The following SV2C variants were observed in gnomAD, a reference collection of about 807,000 sequenced individuals.
SV2C encodes solute carrier family 22 member B3.
Under a neutral mutation model 79.7 loss-of-function variants are expected in SV2C, and 49 were observed. That is an observed-to-expected ratio of 0.61 (90% CI 0.49 to 0.78). The LOEUF is 0.78. SV2C is among the 30% of genes least tolerant of loss of function. The pLI is 0.00. For missense variants in SV2C, 833 were observed against 912.9 expected (o/e 0.91, Z 1.13); for synonymous variants, 334 against 333.2 (o/e 1.00, Z -0.03).
intron 12 of SV2C, among the ~76,000 whole-genome samples, chr5:76,317,025 GATT>G (rs1161613261): frequency 2.7e-5 from 4 of 150,680 alleles, no homozygotes; most frequent in African/African-American, 9.8e-5. Flanking sequence ...TTTAATGAAT[GATT>G]ATATGAATAT....
intron 1 of SV2C, among the ~76,000 whole-genome samples, chr5:76,088,343 C>T (rs991676750): frequency 6.6e-6 from 1 of 152,010 alleles, no homozygotes; most frequent in Non-Finnish European, 1.5e-5. Context: ...TGTCCTAGTC[C>T]CTTCCAGCTG....
At chr5:76,283,824 T>C (rs1172912510) in intron 4 of SV2C, among the ~76,000 whole-genome samples, 1 of 152,210 alleles carries the variant, frequency 6.6e-6, no homozygotes, top group African/African-American at 2.4e-5. Context: ...TGAGGCTGTG[T>C]GTGGCTGTAA....
At chr5:75,849,048 C>A in the SV2C span, among the ~76,000 whole-genome samples, 11 of 152,348 alleles carry the variant, frequency 7.2e-5, 1 homozygote, top group Admixed American at 3.3e-4. Flanking sequence ...TCCCCACCCC[C>A]ACCAGCCCCT....
chr5:76,302,496 G>A (rs1234121744), intron 12 of SV2C, among the ~76,000 whole-genome samples: 4 of 151,642 alleles, frequency 2.6e-5, no homozygotes, highest in Admixed American at 6.6e-5. Context: ...CAGGCATGGC[G>A]GCGGGTGCCT....
At chr5:75,921,153 G>A in the SV2C span, 77 of 904,072 alleles carry the variant, frequency 8.5e-5, 1 homozygote, top group Admixed American at 5.4e-4. Context: ...GCACCAATGA[G>A]CAAGTTGTTG....
chr5:76,276,028 C>G (rs1747012961), intron 4 of SV2C, among the ~76,000 whole-genome samples: 1 of 152,172 alleles, frequency 6.6e-6, no homozygotes, highest in Non-Finnish European at 1.5e-5. Context: ...AAAGCAACAA[C>G]CCACTTTCCC....
At chr5:75,863,621 C>G in the SV2C span, among the ~76,000 whole-genome samples, 36,312 of 152,098 alleles carry the variant, frequency 0.24, 6,430 homozygotes, top group African/African-American at 0.5. Context: ...CAGCTGCTCT[C>G]GTTCAGAAGG....
At chr5:75,900,075 A>G in the SV2C span, among the ~76,000 whole-genome samples, 1 of 152,096 alleles carries the variant, frequency 6.6e-6, no homozygotes, top group Non-Finnish European at 1.5e-5. Context: ...TTTAAAGTTA[A>G]TATTGTTATG....
At chr5:76,006,026 G>A in the SV2C span, among the ~76,000 whole-genome samples, 2 of 152,188 alleles carry the variant, frequency 1.3e-5, no homozygotes, top group Non-Finnish European at 2.9e-5. Flanking sequence ...AACAGAGACA[G>A]CGTCTGTTTC....
At chr5:75,901,836 C>A in the SV2C span, among the ~76,000 whole-genome samples, 1 of 152,234 alleles carries the variant, frequency 6.6e-6, no homozygotes, top group African/African-American at 2.4e-5. Flanking sequence ...GCAGTTTGAT[C>A]TCAGACTGCT....
At chr5:75,942,970 C>T in the SV2C span, among the ~76,000 whole-genome samples, 2 of 152,086 alleles carry the variant, frequency 1.3e-5, no homozygotes, top group African/African-American at 2.4e-5. Flanking sequence ...TGGAGACCAG[C>T]CTGAGCAACA....
the SV2C span, among the ~76,000 whole-genome samples, chr5:75,919,074 T>C: frequency 1.3e-5 from 2 of 152,238 alleles, no homozygotes; most frequent in African/African-American, 2.4e-5. Context: ...ATCTCCAAAG[T>C]TGTTGAATGG....
chr5:76,003,813 G>A, the SV2C span, among the ~76,000 whole-genome samples: 1 of 151,978 alleles, frequency 6.6e-6, no homozygotes, highest in Non-Finnish European at 1.5e-5. Flanking sequence ...TATTGCCCAG[G>A]GCCATAGGGT....
At chr5:76,125,061 G>T (rs1384039357) in intron 1 of SV2C, among the ~76,000 whole-genome samples, 1 of 152,072 alleles carries the variant, frequency 6.6e-6, no homozygotes, top group Non-Finnish European at 1.5e-5. Context: ...CAACTGCTGA[G>T]GTCTTTACCC....
chr5:76,034,538 T>G, the SV2C span, among the ~76,000 whole-genome samples: 1 of 152,246 alleles, frequency 6.6e-6, no homozygotes, highest in Non-Finnish European at 1.5e-5. Context: ...TCTGTTTATA[T>G]GCTGGATTAC....
chr5:76,080,050 G>A (rs926746579), upstream of SV2C, among the ~76,000 whole-genome samples: 4 of 151,286 alleles, frequency 2.6e-5, no homozygotes, highest in South Asian at 2.1e-4. Flanking sequence ...TTATTTCTCC[G>A]TGGGCTTTGT....
chr5:75,883,670 C>G, the SV2C span, among the ~76,000 whole-genome samples: 31 of 122,950 alleles, frequency 2.5e-4, no homozygotes, highest in East Asian at 1.4e-3. Context: ...GGGAACATCA[C>G]ACTCTGGGGA....
the SV2C span, among the ~76,000 whole-genome samples, chr5:76,009,799 T>C: frequency 6.6e-6 from 1 of 152,012 alleles, no homozygotes; most frequent in Non-Finnish European, 1.5e-5. Context: ...AACTATTGGA[T>C]ACTATGCTCA....
chr5:75,871,589 C>A, the SV2C span, among the ~76,000 whole-genome samples: 2 of 151,936 alleles, frequency 1.3e-5, no homozygotes, highest in Non-Finnish European at 2.9e-5. Context: ...GCCGGTGGGT[C>A]ACAAGGTCAG....
Sources: allele counts gnomAD v4.1 joint callset (sites outside exome capture counted in the v4.1 genomes callset), GRCh38; gene constraint gnomAD v4.1.1; transcripts MANE v1.5; gene names NCBI Gene and HGNC (gene_info 2026-07-23, HGNC 2026-07-21).